LRBA: variants seen among roughly 807,000 people sequenced by gnomAD.
LRBA encodes LPS responsive beige-like anchor protein, also known as lipopolysaccharide-responsive and beige-like anchor protein.
LRBA carries 176 observed loss-of-function variants against 330.0 expected under a neutral mutation model. The observed-to-expected ratio is 0.53, with a 90% CI of 0.47 to 0.60. LRBA has a LOEUF of 0.60. Among genes scored for constraint, LRBA ranks in the 20% least tolerant of loss-of-function variants. The pLI, the probability that LRBA is intolerant of heterozygous loss-of-function variation, is 0.00. For missense variants in LRBA, 3,259 were observed against 3,444.8 expected (o/e 0.95, Z 1.35); for synonymous variants, 1,230 against 1,193.0 (o/e 1.03, Z -0.64).
chr4:150,705,455 TG>T (rs1785523380), intron 36 of LRBA, among the ~76,000 whole-genome samples: 2 of 151,776 alleles, frequency 1.3e-5, no homozygotes, highest in Admixed American at 6.6e-5. Context: ...TCTCTGGGCA[TG>T]AAAAAAGAAT....
intron 37 of LRBA, among the ~76,000 whole-genome samples, chr4:150,620,268 C>T (rs904951794): frequency 6.6e-6 from 1 of 152,126 alleles, no homozygotes; most frequent in African/African-American, 2.4e-5. Flanking sequence ...CCACCCTACT[C>T]CTGCAAGAAT....
At chr4:150,416,669 A>G (rs1414221537) in intron 46 of LRBA, among the ~76,000 whole-genome samples, 1 of 151,964 alleles carries the variant, frequency 6.6e-6, no homozygotes, top group Non-Finnish European at 1.5e-5. Flanking sequence ...AAGCTTAGCT[A>G]TAAATAAAAT....
At chr4:150,582,653 C>G in intron 40 of LRBA, 1 of 192,904 alleles carries the variant, frequency 5.2e-6, no homozygotes, top group South Asian at 1.4e-4. Flanking sequence ...GACATCTAAG[C>G]CTAACCTTTT....
chr4:150,828,922 G>GGTGTGTGTGTGTGTGTGTGTGTGT (rs753950457), intron 29 of LRBA, among the ~76,000 whole-genome samples: 4 of 106,238 alleles, frequency 3.8e-5, no homozygotes, highest in African/African-American at 1.3e-4. Flanking sequence ...CTTTTTTGGG[G>GGTGTGTGTGTGTGTGTGTGTGTGT]GTGTGTGTGT....
intron 2 of LRBA, among the ~76,000 whole-genome samples, chr4:151,009,666 G>C (rs2149672608): frequency 1.3e-5 from 2 of 152,066 alleles, no homozygotes; most frequent in Middle Eastern, 6.8e-3. Flanking sequence ...AGTGAGCTAT[G>C]ATCAAGCCAC....
intron 47 of LRBA, among the ~76,000 whole-genome samples, chr4:150,410,499 A>C (rs747808347): frequency 2.0e-5 from 3 of 152,260 alleles, no homozygotes; most frequent in Non-Finnish European, 4.4e-5. Flanking sequence ...ATTATGAAAT[A>C]GTAGAGGAGA....
At chr4:150,449,564 T>C (rs1208447223) in intron 44 of LRBA, among the ~76,000 whole-genome samples, 1 of 149,802 alleles carries the variant, frequency 6.7e-6, no homozygotes. Context: ...AAAAAATGCC[T>C]CTGTGGCACA....
At chr4:150,533,869 A>C (rs1404457111) in intron 40 of LRBA, among the ~76,000 whole-genome samples, 2 of 152,176 alleles carry the variant, frequency 1.3e-5, no homozygotes, top group African/African-American at 4.8e-5. Context: ...GTGGCTGATA[A>C]GTCAATCTCC....
intron 40 of LRBA, among the ~76,000 whole-genome samples, chr4:150,498,503 T>G (rs1261191638): frequency 6.6e-6 from 1 of 152,146 alleles, no homozygotes; most frequent in African/African-American, 2.4e-5. Flanking sequence ...AATTTTTTTT[T>G]GAAAGAAGGC....
chr4:151,009,928 C>T (rs936082124), intron 2 of LRBA, among the ~76,000 whole-genome samples: 5 of 151,686 alleles, frequency 3.3e-5, no homozygotes. Flanking sequence ...TGCAGTGAGC[C>T]GAGATCGCGC....
chr4:150,787,064 T>C (rs980386606), intron 34 of LRBA, among the ~76,000 whole-genome samples: 1 of 152,218 alleles, frequency 6.6e-6, no homozygotes. Flanking sequence ...AAACCTTGTC[T>C]TTACAAAAAT....
intron 35 of LRBA, among the ~76,000 whole-genome samples, chr4:150,737,824 T>C (rs1351062687): frequency 4.6e-5 from 7 of 152,050 alleles, no homozygotes; most frequent in Non-Finnish European, 8.8e-5. Flanking sequence ...TACAAAACTA[T>C]AATATCACTT....
At chr4:150,310,966 C>A (rs1730984691) in intron 51 of LRBA, 1 of 152,136 alleles carries the variant, frequency 6.6e-6, no homozygotes, top group Non-Finnish European at 1.5e-5. Flanking sequence ...ATTAAAGATT[C>A]CTGTAATTGA....
Position 151,014,587 on chromosome 4 carries a change from C to A in LRBA, c.56G>T (p.Gly19Val), listed in dbSNP as rs1443076037. ...PSPPPTGDDG[G>V]GGGREETPTE... The stretch of plus-strand genomic sequence containing the variant: ...AGGGGTTTCTTCTCTCCCTCCACCT[C>A]CCCCGTCATCACCTGTTGGTGGCGG... The change falls in exon 2 of 57, where the codon GGA becomes GTA. Residue 19 changes from glycine (G) to valine (V), a missense_variant. Physicochemically the swap from Gly to Val is moderately radical, Grantham distance 109. Transcript: ENST00000651943. 1.2e-6 allele frequency: 2 copies of A among 1,611,746 alleles called. No individual in the cohort carries two copies. Among genetic ancestry groups the A allele is most frequent in the South Asian group, 2.2e-5 (2 of 90,610 alleles).
intron 48 of LRBA, among the ~76,000 whole-genome samples, chr4:150,330,584 C>T (rs981159072): frequency 6.6e-5 from 10 of 152,146 alleles, no homozygotes; most frequent in Admixed American, 6.6e-4. Flanking sequence ...AGGGAGCGTG[C>T]AACCGAGATC....
intron 29 of LRBA, among the ~76,000 whole-genome samples, chr4:150,830,949 G>T (rs929166199): frequency 1.1e-4 from 17 of 151,776 alleles, no homozygotes; most frequent in Non-Finnish European, 2.1e-4. Flanking sequence ...ATTTTTAGTA[G>T]AGATAGGGTT....
chr4:150,928,974 T>C lies in LRBA; in HGVS notation c.308A>G (p.Asp103Gly). Residue 103 changes from aspartate (D) to glycine (G), a missense_variant, in exon 3 of 57, where the codon GAC becomes GGC. By Grantham distance (94) the Asp-to-Gly change is moderately conservative. Coordinates refer to ENST00000651943, the MANE Select transcript of LRBA (RefSeq NM_001364905.1). ...CCAGACTTCTGCTTGGCACGTAATG[T>C]CACATTTTTCCAGTAGGTCCACCAT... ...NCMVDLLEKCDITCQAEVWSM... is the reference protein window; with the variant it reads ...NCMVDLLEKCGITCQAEVWSM... The C allele has an allele frequency of 6.2e-7, 1 of 1,613,810 alleles. No individual in the cohort carries two copies. Among genetic ancestry groups the C allele is most frequent in the Non-Finnish European group, 8.5e-7 (1 of 1,179,906 alleles).
In LRBA at chr4:150,917,160, A is replaced by AT. The variant is rs1553998833; in HGVS notation, c.646-423_646-422insA. 6.6e-3 allele frequency among the ~76,000 whole-genome samples: 966 copies of AT among 146,852 alleles called. 5 individuals are homozygous for AT. The highest frequency in any genetic ancestry group is 8.0e-3 in the African/African-American group (309 of 38,702). ...AGAGCAAGACTCCATCTCAAAAAAA[A>AT]AAATATATATATATCTGAAAGAAGA... On this transcript the variant is annotated intron_variant, in intron 5 of 56. Coordinates refer to ENST00000651943, the MANE Select transcript of LRBA (RefSeq NM_001364905.1).
chr4:150,357,850 T>C (rs1484319068), intron 47 of LRBA, among the ~76,000 whole-genome samples: 1 of 152,078 alleles, frequency 6.6e-6, no homozygotes, highest in African/African-American at 2.4e-5. Context: ...ACATAAAAAC[T>C]ATGCCATGAA....
Sources: gnomAD v4.1 joint callset for allele counts (sites outside exome capture counted in the v4.1 genomes callset) on GRCh38, gnomAD v4.1.1 for gene constraint, MANE v1.5 for transcripts, NCBI Gene and HGNC (gene_info 2026-07-23, HGNC 2026-07-21) for gene names.